The following NTM variants were observed in gnomAD, a reference collection of about 807,000 sequenced individuals.
The protein encoded by NTM is neurotrimin, also known as IgLON family member 2.
A neutral mutation model predicts 42.1 loss-of-function variants in NTM; 13 were observed. The observed-to-expected ratio is 0.31, with a 90% CI of 0.20 to 0.49. The LOEUF is 0.49. Among genes scored for constraint, NTM ranks in the 20% least tolerant of loss-of-function variants. NTM has a pLI of 0.99. For synonymous variants in NTM, 187 were observed against 179.2 expected, an observed-to-expected ratio of 1.04 and a Z score of -0.35; for missense variants, 373 against 452.8, an observed-to-expected ratio of 0.82 and a Z score of 1.60.
intron 2 of NTM, among the ~76,000 whole-genome samples, chr11:131,925,361 C>CTTTTT (rs560183312): frequency 7.3e-6 from 1 of 137,318 alleles, no homozygotes; most frequent in Admixed American, 7.3e-5. Context: ...ATTAGAGTTC[C>CTTTTT]TTTTTTTTTT....
At chr11:131,834,625 C>CATATATATATATATATATATATATATAT (rs10604283) in intron 1 of NTM, among the ~76,000 whole-genome samples, 95 of 133,932 alleles carry the variant, frequency 7.1e-4, no homozygotes, top group South Asian at 1.4e-3. Context: ...TATACATATA[C>CATATATATATATATATATATATATATAT]ATATATATAT....
intron 7 of NTM, among the ~76,000 whole-genome samples, chr11:132,321,816 T>G (rs1192685413): frequency 7.5e-4 from 112 of 149,786 alleles, no homozygotes; most frequent in African/African-American, 2.7e-3. Context: ...CCCATCAGAC[T>G]AACAGCGGAT....
At chr11:132,019,697 T>C (rs2074028940) in intron 2 of NTM, among the ~76,000 whole-genome samples, 1 of 152,088 alleles carries the variant, frequency 6.6e-6, no homozygotes, top group Non-Finnish European at 1.5e-5. Flanking sequence ...TCCTGTTACT[T>C]TTAACCTCTT....
chr11:132,129,666 A>G (rs1186144667), intron 2 of NTM, among the ~76,000 whole-genome samples: 2 of 152,184 alleles, frequency 1.3e-5, no homozygotes, highest in African/African-American at 4.8e-5. Context: ...GGAAATAAAA[A>G]CTGATTTTTG....
At chr11:131,673,754 C>T (rs996842670) in intron 1 of NTM, among the ~76,000 whole-genome samples, 1 of 152,204 alleles carries the variant, frequency 6.6e-6, no homozygotes, top group Non-Finnish European at 1.5e-5. Flanking sequence ...GGCAGCCCTC[C>T]ACTCTCTCGG....
At chr11:131,651,946 C>T (rs745666488) in intron 1 of NTM, among the ~76,000 whole-genome samples, 2 of 151,438 alleles carry the variant, frequency 1.3e-5, no homozygotes, top group Non-Finnish European at 2.9e-5. Flanking sequence ...GTTCTGAGGT[C>T]AGGGAACAGA....
At chr11:131,795,596 C>T in intron 1 of NTM, 2 of 985,380 alleles carry the variant, frequency 2.0e-6, no homozygotes, top group Non-Finnish European at 2.4e-6. Flanking sequence ...GAACCCTGGT[C>T]CCACAGAGTC....
chr11:131,553,931 G>A (rs2055044647), intron 1 of NTM, among the ~76,000 whole-genome samples: 1 of 152,108 alleles, frequency 6.6e-6, no homozygotes, highest in Non-Finnish European at 1.5e-5. Context: ...GATACCTCAA[G>A]CCCTCTTAAC....
chr11:132,027,185 T>C (rs2135594000), intron 2 of NTM, among the ~76,000 whole-genome samples: 1 of 152,332 alleles, frequency 6.6e-6, no homozygotes, highest in African/African-American at 2.4e-5. Flanking sequence ...CTTTTCCTTT[T>C]CCCCTTTTGT....
chr11:131,376,419 C>T (rs1019366340), intron 1 of NTM, among the ~76,000 whole-genome samples: 3 of 152,110 alleles, frequency 2.0e-5, no homozygotes, highest in Admixed American at 6.6e-5. Context: ...GACAGGAGAT[C>T]ACAGAATCTC....
At chr11:132,219,305 C>T (rs2084606545) in intron 4 of NTM, among the ~76,000 whole-genome samples, 1 of 152,252 alleles carries the variant, frequency 6.6e-6, no homozygotes, top group African/African-American at 2.4e-5. Context: ...GCACCTCTTA[C>T]AGGTACTCAA....
chr11:131,854,272 A>G (rs2045888222), intron 1 of NTM, among the ~76,000 whole-genome samples: 1 of 152,244 alleles, frequency 6.6e-6, no homozygotes, highest in Non-Finnish European at 1.5e-5. Flanking sequence ...TTAAAAAGAC[A>G]TACGAGTTTC....
chr11:131,995,949 G>A (rs1207201266), intron 2 of NTM, among the ~76,000 whole-genome samples: 1 of 152,160 alleles, frequency 6.6e-6, no homozygotes, highest in Non-Finnish European at 1.5e-5. Flanking sequence ...GTGAGTTTCA[G>A]TTCCTCGACA....
At chr11:131,955,679 A>G (rs1445443398) in intron 2 of NTM, among the ~76,000 whole-genome samples, 1 of 151,940 alleles carries the variant, frequency 6.6e-6, no homozygotes, top group Non-Finnish European at 1.5e-5. Flanking sequence ...GGAAGGACCC[A>G]TGTCCCTCCC....
chr11:132,303,069 G>A (rs2094925971), intron 4 of NTM, among the ~76,000 whole-genome samples: 1 of 152,184 alleles, frequency 6.6e-6, no homozygotes, highest in South Asian at 2.1e-4. Flanking sequence ...AACCATTCAT[G>A]TCCCCTTAAG....
chr11:132,006,999 C>A (rs2070941747), intron 2 of NTM, among the ~76,000 whole-genome samples: 1 of 152,118 alleles, frequency 6.6e-6, no homozygotes, highest in African/African-American at 2.4e-5. Context: ...AGTGCGAGAC[C>A]CTCCTGGGCA....
chr11:132,061,684 T>G (rs1344672556), intron 2 of NTM, among the ~76,000 whole-genome samples: 1 of 152,164 alleles, frequency 6.6e-6, no homozygotes, highest in Non-Finnish European at 1.5e-5. Context: ...AAAATTGCCC[T>G]TCTCCTATGT....
At chr11:131,675,494 A>C (rs1047250610) in intron 1 of NTM, among the ~76,000 whole-genome samples, 23 of 152,210 alleles carry the variant, frequency 1.5e-4, no homozygotes, top group Admixed American at 1.3e-3. Flanking sequence ...TATGAGCAAG[A>C]GAATTTGCAT....
chr11:132,030,629 C>T (rs1420357873), intron 2 of NTM, among the ~76,000 whole-genome samples: 1 of 152,106 alleles, frequency 6.6e-6, no homozygotes, highest in Non-Finnish European at 1.5e-5. Context: ...AAGAGGGAAG[C>T]CATTTGGATA....
Sources: gnomAD v4.1 joint callset for allele counts (sites outside exome capture counted in the v4.1 genomes callset) on GRCh38, gnomAD v4.1.1 for gene constraint, MANE v1.5 for transcripts, NCBI Gene and HGNC (gene_info 2026-07-23, HGNC 2026-07-21) for gene names.